The following QTRT1 variants were observed in gnomAD, a reference collection of about 807,000 sequenced individuals.
The protein encoded by QTRT1 is TGT, 43-KD subunit.
QTRT1 carries 41 observed loss-of-function variants against 44.0 expected under a neutral mutation model. The ratio of observed to expected loss-of-function variants is 0.93; its 90% CI spans 0.73 to 1.21. The LOEUF (loss-of-function observed/expected upper bound fraction) is 1.21, where lower values mean the gene tolerates loss of function less well. Among genes scored for constraint, QTRT1 ranks in the 50% most tolerant of loss-of-function variants. The pLI, the probability that QTRT1 is intolerant of heterozygous loss-of-function variation, is 0.00. For synonymous variants in QTRT1, 226 were observed against 237.1 expected (o/e 0.95, Z 0.43); for missense variants, 542 against 575.8 (o/e 0.94, Z 0.60).
At chr19:10,710,098 T>A (rs548575358) in intron 5 of QTRT1, among the ~76,000 whole-genome samples, 1 of 151,330 alleles carries the variant, frequency 6.6e-6, no homozygotes, top group East Asian at 1.9e-4. Flanking sequence ...GGTGGGAGGA[T>A]CGCTTGAGCC....
In QTRT1 at chr19:10,701,706, G is replaced by A; in HGVS notation, c.243+3G>A. 6.4e-7 allele frequency: 1 copy of A among 1,573,722 alleles called. No homozygotes were observed. The highest frequency in any genetic ancestry group is 8.6e-7 in the Non-Finnish European group (1 of 1,160,246). On this transcript the variant is annotated splice_donor_region_variant and intron_variant, in intron 1 of 9. Coordinates refer to ENST00000250237, the MANE Select transcript of QTRT1 (RefSeq NM_031209.3). ...CCTACCATCTGGGTCTAAGGCCGGT[G>A]GGTGGGCTCTGCCCGCGCGGGGAGG...
At chr19:10,707,205 A>G in intron 3 of QTRT1, 97 bp from the exon 4 acceptor site, 1 of 1,199,490 alleles carries the variant, frequency 8.3e-7, no homozygotes, top group Non-Finnish European at 1.2e-6. Context: ...GGATGGGGGG[A>G]TGCTCTTGGG....
chr19:10,713,089 T>G lies in QTRT1; in HGVS notation c.1060-29T>G. On this transcript the variant is annotated intron_variant, in intron 9 of 9. Coordinates refer to ENST00000250237, the MANE Select transcript of QTRT1 (RefSeq NM_031209.3). The surrounding 1 kb of genome is among the most constrained non-coding windows in gnomAD (Gnocchi z 4.3). The stretch of plus-strand genomic sequence containing the variant: ...TGGGCGGGGGTGTCCTAGGTGCGTA[T>G]GCCCCACGCTGACCTCCCCTCCCCG... 1 of 1,608,708 alleles carries G rather than the reference T, an allele frequency of 6.2e-7. No homozygotes were observed. The highest frequency in any genetic ancestry group is 8.5e-7 in the Non-Finnish European group (1 of 1,179,720).
At chr19:10,704,857 C>T (rs536415700) in intron 3 of QTRT1, among the ~76,000 whole-genome samples, 61 of 148,064 alleles carry the variant, frequency 4.1e-4, no homozygotes, top group Non-Finnish European at 7.6e-4. Flanking sequence ...AAAGTGCTGG[C>T]ATTACAGGTG....
At chr19:10,706,669 G>GT (rs1022446687) in intron 3 of QTRT1, 275 of 130,554 alleles carry the variant, frequency 2.1e-3, no homozygotes, top group Middle Eastern at 8.2e-3. Context: ...CATCGCGCCT[G>GT]TTTTTTTTTT....
intron 3 of QTRT1, among the ~76,000 whole-genome samples, chr19:10,702,919 G>A (rs1315279034): frequency 7.9e-5 from 12 of 150,960 alleles, no homozygotes; most frequent in Middle Eastern, 3.4e-3. Context: ...ACAGGTGTGC[G>A]CCACCACACC....
chr19:10,710,350 C>T (rs1343291687), intron 5 of QTRT1, among the ~76,000 whole-genome samples: 1 of 151,692 alleles, frequency 6.6e-6, no homozygotes, highest in African/African-American at 2.4e-5. Flanking sequence ...GAGTTTTGCT[C>T]TTGTTGTCCA....
rs761447922 is a variant in QTRT1 at position 10,712,131 on chromosome 19, T to C, written c.647-30T>C. The C allele has an allele frequency of 2.9e-5, 46 of 1,610,942 alleles. No homozygotes were observed. Among genetic ancestry groups the C allele is most frequent in the Non-Finnish European group, 3.8e-5 (45 of 1,180,000 alleles). On this transcript the variant is annotated intron_variant, in intron 5 of 9. Coordinates refer to ENST00000250237, the MANE Select transcript of QTRT1 (RefSeq NM_031209.3). This position sits in a 1 kb window ranked among gnomAD's most constrained non-coding sequence, Gnocchi z 5.6. The stretch of plus-strand genomic sequence containing the variant: ...TGAAGACCAGGCGCATTTCCTCTTC[T>C]GTGGCCCTCACCTTACCCTGTACCC...
chr19:10,703,447 T>C (rs1430822620), intron 3 of QTRT1, among the ~76,000 whole-genome samples: 2 of 152,078 alleles, frequency 1.3e-5, no homozygotes, highest in Non-Finnish European at 2.9e-5. Context: ...ATTGATGCTG[T>C]AGGGAGGAAG....
intron 3 of QTRT1, 145 bp downstream of exon 3, chr19:10,702,399 T>C: frequency 1.2e-6 from 1 of 823,052 alleles, no homozygotes; most frequent in Non-Finnish European, 1.9e-6. Flanking sequence ...CGGGGGTAAA[T>C]AGTAGCAGGT....
Position 10,707,618 on chromosome 19 carries a change from A to T in QTRT1, c.646+3A>T. On this transcript the variant is annotated splice_donor_region_variant and intron_variant, in intron 5 of 9. Transcript: ENST00000250237. ...TCTCCGGGCCACCTGCCTTGAAGGTAGAGCCATGCGCTGGCAGGCCCAGGG... is the reference window on the plus strand; with the variant it reads ...TCTCCGGGCCACCTGCCTTGAAGGTTGAGCCATGCGCTGGCAGGCCCAGGG... 6.3e-7 allele frequency: 1 copy of T among 1,592,552 alleles called. No individual in the cohort carries two copies.
chr19:10,701,783 A>G lies in QTRT1; in HGVS notation c.243+80A>G, dbSNP rs898591460. On this transcript the variant is annotated intron_variant, in intron 1 of 9. Coordinates refer to ENST00000250237, the MANE Select transcript of QTRT1 (RefSeq NM_031209.3). ...CATGGAGCGTCCTCCAGGCCCGGAC[A>G]CTCCTCCCAAAGTCAATCGACCAGC... The G allele has an allele frequency of 5.1e-6, 8 of 1,560,508 alleles. No homozygotes were observed. In the African/African-American group the frequency reaches 9.5e-5, roughly 19 times the overall value.
chr19:10,705,840 CTTTTTTT>C (rs71164114), intron 3 of QTRT1, among the ~76,000 whole-genome samples: 1 of 37,700 alleles, frequency 2.7e-5, no homozygotes, highest in Non-Finnish European at 4.8e-5. Context: ...CTGGCCTGTT[CTTTTTTT>C]TTTTTTTTTT....
intron 5 of QTRT1, among the ~76,000 whole-genome samples, chr19:10,708,260 G>A (rs182000808): frequency 1.2e-4 from 19 of 152,192 alleles, no homozygotes; most frequent in African/African-American, 4.1e-4. Context: ...ACCGTACCTG[G>A]CCTCTTTATT....
Position 10,701,935 on chromosome 19 carries a change from C to A in QTRT1, c.244-15C>A, listed in dbSNP as rs375666573. Reference sequence around the variant, plus strand: ...GCGGTCACCCCTAACCTGACACTTTCTTCCATCAACCCAGGGACCCGAGCT... The same window carrying A: ...GCGGTCACCCCTAACCTGACACTTTATTCCATCAACCCAGGGACCCGAGCT... On this transcript the variant is annotated splice_polypyrimidine_tract_variant and intron_variant, in intron 1 of 9. Transcript: ENST00000250237. 4.7e-5 allele frequency: 76 copies of A among 1,613,984 alleles called. No individual in the cohort carries two copies. In the African/African-American group the frequency reaches 7.9e-4, roughly 17 times the overall value.
intron 3 of QTRT1, 78 bp from the exon 4 acceptor site, chr19:10,707,224 A>G (rs1038240389): frequency 2.1e-5 from 30 of 1,448,768 alleles, no homozygotes; most frequent in Non-Finnish European, 2.6e-5. Context: ...GGGAAGTCCA[A>G]CTTGTCCCCA....
Position 10,701,480 on chromosome 19 carries a change from A to T in QTRT1, c.20A>T (p.Gln7Leu). The change falls in exon 1 of 10, where the codon CAG (glutamine) becomes CTG (leucine). Residue 7 changes from glutamine to leucine, a missense_variant. Coordinates refer to ENST00000250237, the MANE Select transcript of QTRT1 (RefSeq NM_031209.3). MAGAAT[Q>L]ASLESAPRIM... ...GTCAAGATGGCGGGAGCAGCTACCCAGGCTTCCCTGGAGTCGGCCCCACGG... is the reference window on the plus strand; with the variant it reads ...GTCAAGATGGCGGGAGCAGCTACCCTGGCTTCCCTGGAGTCGGCCCCACGG... 1.9e-6 allele frequency: 3 copies of T among 1,563,082 alleles called. No homozygotes were observed. Among genetic ancestry groups the T allele is most frequent in the Non-Finnish European group, 2.6e-6 (3 of 1,151,066 alleles).
rs201914807 is a variant in QTRT1, at chr19:10,713,086, G to A, written c.1060-32G>A. 19 of 1,608,650 alleles carry A rather than the reference G, an allele frequency of 1.2e-5. No individual in the cohort carries two copies. Among genetic ancestry groups the A allele is most frequent in the African/African-American group, 5.3e-5 (4 of 75,054 alleles). On this transcript the variant is annotated intron_variant, in intron 9 of 9. Transcript: ENST00000250237. This position sits in a 1 kb window ranked among gnomAD's most constrained non-coding sequence, Gnocchi z 4.3. ...AGGTGGGCGGGGGTGTCCTAGGTGC[G>A]TATGCCCCACGCTGACCTCCCCTCC...
chr19:10,712,029 G>A lies in QTRT1; in HGVS notation c.647-132G>A. 8.7e-7 allele frequency: 1 copy of A among 1,145,860 alleles called. No individual in the cohort carries two copies. Among genetic ancestry groups the A allele is most frequent in the East Asian group, 2.4e-5 (1 of 41,970 alleles). The allele number at this position is 1,145,860 out of a possible 1,614,324, so 71.0% of individuals were successfully genotyped here. A position where few individuals can be genotyped will look rare whatever the true frequency, so the allele number is the denominator to read the frequency against. ...CGTCTCCCTCTCCGTCTCTGGCTCT[G>A]TCTGTCTGTCTCTGTCTGTTTCTCT... On this transcript the variant is annotated intron_variant, in intron 5 of 9. Coordinates refer to ENST00000250237, the MANE Select transcript of QTRT1 (RefSeq NM_031209.3). The surrounding 1 kb of genome is among the most constrained non-coding windows in gnomAD (Gnocchi z 5.6).
Sources: allele counts gnomAD v4.1 joint callset (sites outside exome capture counted in the v4.1 genomes callset), GRCh38; gene constraint gnomAD v4.1.1; non-coding constraint Gnocchi (gnomAD v3.1); transcripts MANE v1.5; gene names NCBI Gene and HGNC (gene_info 2026-07-23, HGNC 2026-07-21).